The following MYH15 variants were observed in gnomAD, a reference collection of about 807,000 sequenced individuals.
MYH15 encodes myosin-15.
A neutral mutation model predicts 240.5 loss-of-function variants in MYH15; 227 were observed. That is an observed-to-expected ratio of 0.94 (90% CI 0.85 to 1.05). The LOEUF (loss-of-function observed/expected upper bound fraction) is 1.05. Among genes scored for constraint, MYH15 ranks in the 50% least tolerant of loss-of-function variants. The probability of loss-of-function intolerance (pLI) is 0.00; values close to 1 mark genes in which losing one functional copy is unlikely to be tolerated. For missense variants in MYH15, 2,217 were observed against 2,247.5 expected (o/e 0.99, Z 0.27); for synonymous variants, 785 against 796.7 (o/e 0.99, Z 0.25).
At chr3:108,447,534 C>G (rs1368918150) in intron 21 of MYH15, among the ~76,000 whole-genome samples, 1 of 151,788 alleles carries the variant, frequency 6.6e-6, no homozygotes, top group Non-Finnish European at 1.5e-5. Flanking sequence ...CAGCAAAAAC[C>G]TTGCAGACCA....
Position 108,486,477 on chromosome 3 carries a change from A to C in MYH15, c.921T>G (p.Cys307Trp). Residue 307 changes from cysteine to tryptophan, a missense_variant, in exon 10 of 41, where the codon TGT becomes TGG. Cys to Trp is a radical substitution (Grantham distance 215). Transcript: ENST00000693548. The stretch of plus-strand genomic sequence containing the variant: ...CCAAGCTCTCCACAGTAACTGCTCC[A>C]CAGGAGCAAAAGTGGAAGTCTGAGG... Reference protein sequence around the residue: ...ANPSDFHFCSCGAVTVESLDD... With the variant: ...ANPSDFHFCSWGAVTVESLDD... 1.2e-6 allele frequency: 2 copies of C among 1,612,962 alleles called. No individual in the cohort carries two copies. The highest frequency in any genetic ancestry group is 1.7e-6 in the Non-Finnish European group (2 of 1,179,154).
chr3:108,543,122 G>A, the MYH15 span, among the ~76,000 whole-genome samples: 12 of 152,080 alleles, frequency 7.9e-5, no homozygotes, highest in Admixed American at 2.0e-4. Context: ...CTTGTGATCC[G>A]CCCGCCTTGG....
chr3:108,509,440 G>C (rs76252316), intron 1 of MYH15, among the ~76,000 whole-genome samples: 1 of 151,938 alleles, frequency 6.6e-6, no homozygotes. Context: ...TTCTGTTATC[G>C]TATTTGATTT....
intron 40 of MYH15, among the ~76,000 whole-genome samples, chr3:108,382,920 G>A (rs1372210216): frequency 6.6e-6 from 1 of 152,104 alleles, no homozygotes; most frequent in East Asian, 1.9e-4. Context: ...GTGTGTTCCT[G>A]GGAAAATTTC....
chr3:108,508,070 T>G (rs912569073), intron 1 of MYH15, among the ~76,000 whole-genome samples: 5 of 152,162 alleles, frequency 3.3e-5, no homozygotes, highest in South Asian at 2.1e-4. Context: ...ACATAGCTAA[T>G]TAGTGGCAGT....
Position 108,444,890 on chromosome 3 carries a change from G to T in MYH15, c.2405C>A (p.Ala802Glu). Residue 802 changes from alanine (A) to glutamate (E), a missense_variant, in exon 22 of 41, where the codon GCA (alanine) becomes GAA (glutamate). Coordinates refer to ENST00000693548, the MANE Select transcript of MYH15 (RefSeq NM_014981.3). ...KFQKILEERD[A>E]LILIQWNIRA... ...TATGTTCCATTGGATCAAAATAAGT[G>T]CATCCCTAAATCAAGAAAGAAAAAA... 1.2e-6 allele frequency: 2 copies of T among 1,604,788 alleles called. No individual in the cohort carries two copies. Among genetic ancestry groups the T allele is most frequent in the Non-Finnish European group, 1.7e-6 (2 of 1,177,134 alleles).
chr3:108,393,390 C>A (rs1382224886), intron 36 of MYH15, among the ~76,000 whole-genome samples: 4 of 152,196 alleles, frequency 2.6e-5, no homozygotes, highest in Admixed American at 6.5e-5. Flanking sequence ...CTTCCGCTAA[C>A]CATGCCCGCT....
intron 37 of MYH15, among the ~76,000 whole-genome samples, chr3:108,391,489 GC>G (rs2107535873): frequency 6.6e-6 from 1 of 152,296 alleles, no homozygotes; most frequent in Admixed American, 6.5e-5. Flanking sequence ...AGAGCCTGGA[GC>G]TGGTGAGGTG....
chr3:108,499,532 T>G, intron 4 of MYH15, 50 bp from the exon 5 acceptor site: 1 of 1,567,840 alleles, frequency 6.4e-7, no homozygotes. Flanking sequence ...GATATTTATG[T>G]ATTAGTATGA....
intron 32 of MYH15, among the ~76,000 whole-genome samples, chr3:108,406,676 C>A (rs191121167): frequency 8.2e-4 from 125 of 152,216 alleles, no homozygotes; most frequent in African/African-American, 2.9e-3. Flanking sequence ...AAATAAATAA[C>A]GCAATGTTAC....
chr3:108,469,015 A>G (rs2083147229), intron 14 of MYH15, among the ~76,000 whole-genome samples: 1 of 152,174 alleles, frequency 6.6e-6, no homozygotes. Context: ...TTCATTATTA[A>G]TATGTTTTAA....
intron 2 of MYH15, 122 bp from the exon 3 acceptor site, chr3:108,501,977 G>T: frequency 9.4e-7 from 1 of 1,061,154 alleles, no homozygotes; most frequent in Non-Finnish European, 1.4e-6. Flanking sequence ...AGGGGATGGG[G>T]CCAGAAGAAA....
chr3:108,420,447 G>C (rs1009943390), intron 28 of MYH15, among the ~76,000 whole-genome samples: 2 of 152,188 alleles, frequency 1.3e-5, no homozygotes, highest in African/African-American at 4.8e-5. Context: ...ACTTTGCCCA[G>C]ATCTCCACTT....
intron 7 of MYH15, among the ~76,000 whole-genome samples, chr3:108,493,859 G>A (rs1009205105): frequency 3.3e-5 from 5 of 152,248 alleles, no homozygotes; most frequent in Non-Finnish European, 7.3e-5. Context: ...ACATTGTAAG[G>A]TTTTAAGCAG....
intron 9 of MYH15, among the ~76,000 whole-genome samples, chr3:108,487,541 T>C (rs1429319168): frequency 1.3e-5 from 2 of 152,208 alleles, no homozygotes; most frequent in African/African-American, 4.8e-5. Context: ...ATACACTCTA[T>C]GATTTTGTCT....
At chr3:108,524,114 T>C (rs1358815643) in intron 1 of MYH15, among the ~76,000 whole-genome samples, 1 of 151,972 alleles carries the variant, frequency 6.6e-6, no homozygotes, top group African/African-American at 2.4e-5. Flanking sequence ...AAAATTCTAA[T>C]AGATATTGCC....
chr3:108,392,537 T>C (rs2082429490), intron 36 of MYH15, among the ~76,000 whole-genome samples: 1 of 152,240 alleles, frequency 6.6e-6, no homozygotes, highest in Non-Finnish European at 1.5e-5. Flanking sequence ...TGAGAATCTC[T>C]AGGTACATTT....
rs2082638021 is a variant in MYH15 at position 108,416,863 on chromosome 3, G to A, written c.3897C>T (p.Asn1299=). 1 of 1,614,068 alleles carries A rather than the reference G, an allele frequency of 6.2e-7. No homozygotes were observed. Among genetic ancestry groups the A allele is most frequent in the East Asian group, 2.2e-5 (1 of 44,878 alleles). The part of the protein sequence containing the change: ...LINQLSREKS[N]FTRQIEDLRG... Reference sequence around the variant, plus strand: ...TCAGGTCTTCAATCTGCCGAGTGAAGTTGCTCTTTTCCCTGGAAAGTTGGT... The same window carrying A: ...TCAGGTCTTCAATCTGCCGAGTGAAATTGCTCTTTTCCCTGGAAAGTTGGT... The change falls in exon 29 of 41, where the codon AAC becomes AAT. Residue 1299 remains asparagine (N), a synonymous_variant. Coordinates refer to ENST00000693548, the MANE Select transcript of MYH15 (RefSeq NM_014981.3).
intron 11 of MYH15, among the ~76,000 whole-genome samples, chr3:108,477,123 C>A (rs6762393): frequency 1.3e-5 from 2 of 151,962 alleles, no homozygotes; most frequent in African/African-American, 4.8e-5. Context: ...TCATATAATA[C>A]GATATTGCTA....
Sources: gnomAD v4.1 joint callset for allele counts (sites outside exome capture counted in the v4.1 genomes callset) on GRCh38, gnomAD v4.1.1 for gene constraint, MANE v1.5 for transcripts, NCBI Gene and HGNC (gene_info 2026-07-23, HGNC 2026-07-21) for gene names.